Variants in ABLIM2 observed in about 807,000 individuals in gnomAD.
ABLIM2 encodes actin-binding LIM protein 2.
Under a neutral mutation model 97.7 loss-of-function variants are expected in ABLIM2, and 53 were observed. The observed-to-expected ratio is 0.54, with a 90% CI of 0.44 to 0.68. The LOEUF is 0.68. ABLIM2 is among the 30% of genes least tolerant of loss of function. The pLI is 0.00. For synonymous variants in ABLIM2, 361 were observed against 345.8 expected (o/e 1.04, Z -0.49); for missense variants, 835 against 867.2 (o/e 0.96, Z 0.47).
intron 7 of ABLIM2, among the ~76,000 whole-genome samples, chr4:8,060,135 A>G (rs1240016136): frequency 1.3e-5 from 2 of 152,214 alleles, no homozygotes; most frequent in Non-Finnish European, 2.9e-5. Context: ...TCCCCTTATA[A>G]GAGTCGTTGT....
chr4:8,037,318 G>A (rs76022420), intron 9 of ABLIM2, among the ~76,000 whole-genome samples: 11,745 of 145,942 alleles, frequency 0.08, 665 homozygotes, highest in East Asian at 0.29. Context: ...ACATGCATGC[G>A]CACACATGCA....
chr4:7,997,098 G>A (rs1753829304), intron 16 of ABLIM2, among the ~76,000 whole-genome samples: 1 of 152,024 alleles, frequency 6.6e-6, no homozygotes, highest in South Asian at 2.1e-4. Context: ...TTGAGACGGA[G>A]TCTTGCTCTG....
At chr4:8,008,794 TTCACGGTAC>T (rs1762993304) in intron 15 of ABLIM2, among the ~76,000 whole-genome samples, 1 of 152,160 alleles carries the variant, frequency 6.6e-6, no homozygotes, top group African/African-American at 2.4e-5. Context: ...TTATTTCCCT[TTCACGGTAC>T]ACATCTCTTC....
rs1775378454 is a variant in ABLIM2 at position 8,023,567 on chromosome 4, A to G, written c.1268-3264T>C. Among the ~76,000 whole-genome samples the G allele has an allele frequency of 6.6e-6, 1 of 152,128 alleles. No individual in the cohort carries two copies. The highest frequency in any genetic ancestry group is 1.5e-5 in the Non-Finnish European group (1 of 68,024). ...GCTGACCGGGTCATGCTCGTCAGCCATGGTGGCCTGCTCCACGGTGGACTT... is the reference window on the plus strand; with the variant it reads ...GCTGACCGGGTCATGCTCGTCAGCCGTGGTGGCCTGCTCCACGGTGGACTT... On this transcript the variant is annotated intron_variant, in intron 12 of 20. Coordinates refer to ENST00000447017, the MANE Select transcript of ABLIM2 (RefSeq NM_001130083.2). This position sits in a 1 kb window ranked among gnomAD's most constrained non-coding sequence, Gnocchi z 5.7.
chr4:8,132,994 C>T lies in ABLIM2; in HGVS notation c.10+25686G>A, dbSNP rs1849643621. 6.6e-6 allele frequency among the ~76,000 whole-genome samples: 1 copy of T among 152,160 alleles called. No individual in the cohort carries two copies. The highest frequency in any genetic ancestry group is 6.5e-5 in the Admixed American group (1 of 15,286). On this transcript the variant is annotated intron_variant, in intron 1 of 20. Transcript: ENST00000447017. This position sits in a 1 kb window ranked among gnomAD's most constrained non-coding sequence, Gnocchi z 8.0. ...ATTTACTCTCCCCGGTTCTGGAGAC[C>T]AGAAGTCCCAGATCAGGGGTTGTGA...
At position 8,061,177 on chromosome 4, in the gene ABLIM2, G is replaced by T; in HGVS notation, c.676-123C>A. 1 of 830,796 alleles carries T rather than the reference G, an allele frequency of 1.2e-6. No homozygotes were observed. The allele number at this position is 830,796 out of a possible 1,614,324, so 51.5% of individuals were successfully genotyped here. A position where few individuals can be genotyped will look rare whatever the true frequency, so the allele number is the denominator to read the frequency against. ...TACTCAGGGGATACTGGAAGGGCCA[G>T]CCCCCACCATCGGGACCCAAGACCC... On this transcript the variant is annotated intron_variant, in intron 6 of 20. Transcript: ENST00000447017. This position sits in a 1 kb window ranked among gnomAD's most constrained non-coding sequence, Gnocchi z 4.5.
intron 3 of ABLIM2, among the ~76,000 whole-genome samples, chr4:8,096,786 C>G (rs9291388): frequency 0.44 from 67,431 of 152,102 alleles, 16,662 homozygotes; most frequent in African/African-American, 0.68. Context: ...GCAGGCGGAG[C>G]GGGGCCGGTG....
chr4:8,007,157 G>A, intron 16 of ABLIM2: 1 of 985,262 alleles, frequency 1.0e-6, no homozygotes, highest in Non-Finnish European at 1.2e-6. Context: ...CAGGCATGAG[G>A]ATGAGGATGA....
chr4:8,097,340 C>G, intron 2 of ABLIM2, 58 bp from the exon 3 acceptor site: 5 of 1,539,234 alleles, frequency 3.2e-6, no homozygotes, highest in Non-Finnish European at 4.4e-6. Flanking sequence ...CCACGTCCCC[C>G]AGGCCCGAGG....
At chr4:8,013,112 C>A (rs987836684) in intron 14 of ABLIM2, among the ~76,000 whole-genome samples, 1 of 151,716 alleles carries the variant, frequency 6.6e-6, no homozygotes, top group African/African-American at 2.4e-5. Flanking sequence ...ATGGGAGGAG[C>A]AAAGTCAACA....
In ABLIM2 at chr4:8,015,402, G is replaced by A. The variant is rs1768257146; in HGVS notation, c.1423+4216C>T. Among the ~76,000 whole-genome samples, 1 of 152,010 alleles carries A rather than the reference G, an allele frequency of 6.6e-6. No individual in the cohort carries two copies. The highest frequency in any genetic ancestry group is 1.5e-5 in the Non-Finnish European group (1 of 67,994). ...GCTCCCCTGGGGAGCCTCAGTGGGG[G>A]CTTCCCAGTGCAATCCGCACTCTGG... On this transcript the variant is annotated intron_variant, in intron 14 of 20. Coordinates refer to ENST00000447017, the MANE Select transcript of ABLIM2 (RefSeq NM_001130083.2). The surrounding 1 kb of genome is among the most constrained non-coding windows in gnomAD (Gnocchi z 4.6).
intron 16 of ABLIM2, chr4:7,993,855 A>C: frequency 2.1e-6 from 1 of 469,600 alleles, no homozygotes; most frequent in South Asian, 1.5e-5. Flanking sequence ...CCCAGCCCCC[A>C]CCGAGCTCCC....
At chr4:7,976,213 G>A (rs375639501) in intron 20 of ABLIM2, among the ~76,000 whole-genome samples, 51 of 152,190 alleles carry the variant, frequency 3.4e-4, no homozygotes, top group African/African-American at 9.4e-4. Flanking sequence ...TGTCACCATC[G>A]CACCCGCACA....
At chr4:8,039,326 G>A (rs561923591) in intron 9 of ABLIM2, among the ~76,000 whole-genome samples, 19 of 152,268 alleles carry the variant, frequency 1.2e-4, no homozygotes, top group East Asian at 3.9e-4. Context: ...ATAGGGGGCC[G>A]CCTTGCCCTG....
rs1387605625 is a variant in ABLIM2 at position 8,015,591 on chromosome 4, G to A, written c.1423+4027C>T. On this transcript the variant is annotated intron_variant, in intron 14 of 20. Coordinates refer to ENST00000447017, the MANE Select transcript of ABLIM2 (RefSeq NM_001130083.2). This position sits in a 1 kb window ranked among gnomAD's most constrained non-coding sequence, Gnocchi z 4.6. ...TGATTAATTCCTGCTTTAAACCAGG[G>A]CACAAAGACACAGGGAACAACGTGT... 1.3e-5 allele frequency among the ~76,000 whole-genome samples: 2 copies of A among 152,188 alleles called. No individual in the cohort carries two copies. Among genetic ancestry groups the A allele is most frequent in the African/African-American group, 4.8e-5 (2 of 41,444 alleles).
At chr4:8,097,029 A>G in intron 3 of ABLIM2, 70 bp downstream of exon 3, 1 of 1,497,662 alleles carries the variant, frequency 6.7e-7, no homozygotes, top group South Asian at 1.3e-5. Context: ...GGAAGAAGGG[A>G]AGGGAGGGAG....
intron 2 of ABLIM2, among the ~76,000 whole-genome samples, chr4:8,103,275 C>A (rs577315237): frequency 1.3e-5 from 2 of 152,246 alleles, no homozygotes; most frequent in Admixed American, 1.3e-4. Flanking sequence ...ATGATTCATA[C>A]GCTGCACTCT....
intron 1 of ABLIM2, among the ~76,000 whole-genome samples, chr4:8,146,831 A>T (rs1323779168): frequency 1.5e-5 from 2 of 132,162 alleles, no homozygotes; most frequent in Admixed American, 1.7e-4. Context: ...TGCCCAGTCA[A>T]CAAATGTTTT....
chr4:8,027,871 G>C lies in ABLIM2; in HGVS notation c.1169-14C>G. 6.4e-7 allele frequency: 1 copy of C among 1,565,774 alleles called. No homozygotes were observed. Among genetic ancestry groups the C allele is most frequent in the Non-Finnish European group, 8.6e-7 (1 of 1,157,698 alleles). ...TCACAGTACCAGCTACGGGGTAACA[G>C]AGAGCAAGTCAGAGTCAACCTGGGC... On this transcript the variant is annotated splice_polypyrimidine_tract_variant and intron_variant, in intron 11 of 20. Transcript: ENST00000447017.
Sources: allele counts gnomAD v4.1 joint callset (sites outside exome capture counted in the v4.1 genomes callset), GRCh38; gene constraint gnomAD v4.1.1; non-coding constraint Gnocchi (gnomAD v3.1); transcripts MANE v1.5; gene names NCBI Gene and HGNC (gene_info 2026-07-23, HGNC 2026-07-21).